The following EEPD1 variants were observed in gnomAD, a reference collection of about 807,000 sequenced individuals.
EEPD1 encodes endonuclease/exonuclease/phosphatase family domain-containing protein 1.
Under a neutral mutation model 46.3 loss-of-function variants are expected in EEPD1, and 17 were observed. The observed-to-expected ratio is 0.37, with a 90% CI of 0.25 to 0.55. The LOEUF (loss-of-function observed/expected upper bound fraction) is 0.55, where lower values mean the gene tolerates loss of function less well. EEPD1 is among the 20% of genes least tolerant of loss of function. The pLI is 0.83. For missense variants in EEPD1, 673 were observed against 745.6 expected (o/e 0.90, Z 1.13); for synonymous variants, 313 against 315.6 (o/e 0.99, Z 0.09).
intron 3 of EEPD1, among the ~76,000 whole-genome samples, chr7:36,245,223 C>T (rs1190547701): frequency 6.6e-5 from 10 of 152,166 alleles, no homozygotes; most frequent in Non-Finnish European, 1.3e-4. Context: ...GCTGGGATTA[C>T]AGACATGAGC....
Position 36,299,071 on chromosome 7 carries a change from C to T in EEPD1, c.1575C>T (p.Gly525=), listed in dbSNP as rs1349063736. 2.5e-6 allele frequency: 4 copies of T among 1,614,044 alleles called. No individual in the cohort carries two copies. Among genetic ancestry groups the T allele is most frequent in the African/African-American group, 1.3e-5 (1 of 74,968 alleles). The change falls in exon 8 of 8, where the codon GGC becomes GGT. Residue 525 remains glycine, a synonymous_variant. Coordinates refer to ENST00000242108, the MANE Select transcript of EEPD1 (RefSeq NM_030636.3). The part of the protein sequence containing the change: ...NPWIPDNWSW[G]GVASEHCPVL... ...GGATTCCGGATAACTGGTCTTGGGG[C>T]GGGGTGGCTTCTGAACACTGCCCAG...
intron 6 of EEPD1, among the ~76,000 whole-genome samples, chr7:36,292,379 G>GTTTTC (rs1183182888): frequency 7.2e-6 from 1 of 139,804 alleles, no homozygotes; most frequent in African/African-American, 2.6e-5. Flanking sequence ...CTTTTGTTTT[G>GTTTTC]TTTTCTTTTC....
At chr7:36,249,412 G>A (rs1786696759) in intron 3 of EEPD1, among the ~76,000 whole-genome samples, 1 of 152,076 alleles carries the variant, frequency 6.6e-6, no homozygotes. Flanking sequence ...TCCGGTTCCT[G>A]GGACTGTATC....
chr7:36,161,376 T>C (rs2115602040), intron 2 of EEPD1, among the ~76,000 whole-genome samples: 1 of 152,226 alleles, frequency 6.6e-6, no homozygotes, highest in East Asian at 1.9e-4. Flanking sequence ...AGGGACTTGG[T>C]CGCTGTCTGC....
intron 3 of EEPD1, among the ~76,000 whole-genome samples, chr7:36,250,238 A>T (rs1477887024): frequency 6.6e-6 from 1 of 152,214 alleles, no homozygotes. Context: ...AAAAAAAATT[A>T]AAAATACTAA....
intron 3 of EEPD1, among the ~76,000 whole-genome samples, chr7:36,265,123 G>C (rs1192129871): frequency 1.3e-5 from 2 of 152,192 alleles, no homozygotes; most frequent in African/African-American, 4.8e-5. Context: ...TAGAATAGCT[G>C]AAGGCTGGCA....
chr7:36,198,983 G>A (rs572428014), intron 2 of EEPD1, among the ~76,000 whole-genome samples: 1 of 152,036 alleles, frequency 6.6e-6, no homozygotes, highest in Non-Finnish European at 1.5e-5. Context: ...GAACCAGAAA[G>A]AGCCTCTTCT....
chr7:36,252,829 C>CTTTTTTTTTTT (rs71553053), intron 3 of EEPD1, among the ~76,000 whole-genome samples: 1 of 54,896 alleles, frequency 1.8e-5, no homozygotes, highest in Non-Finnish European at 3.1e-5. Flanking sequence ...GTGTTCTCTC[C>CTTTTTTTTTTT]TTTTTTTTTT....
At chr7:36,199,514 T>C (rs578166962) in intron 2 of EEPD1, among the ~76,000 whole-genome samples, 2 of 152,236 alleles carry the variant, frequency 1.3e-5, no homozygotes, top group South Asian at 4.1e-4. Flanking sequence ...AGTCATGACA[T>C]CTGAAACTCC....
chr7:36,262,173 G>A (rs196566), intron 3 of EEPD1, among the ~76,000 whole-genome samples: 1 of 152,000 alleles, frequency 6.6e-6, no homozygotes, highest in Non-Finnish European at 1.5e-5. Flanking sequence ...AAATGCAGAC[G>A]CATTTTTACA....
At chr7:36,176,481 G>A (rs770532292) in intron 2 of EEPD1, among the ~76,000 whole-genome samples, 1 of 152,228 alleles carries the variant, frequency 6.6e-6, no homozygotes, top group Non-Finnish European at 1.5e-5. Flanking sequence ...TCGGAATAAA[G>A]TTATTTCGGT....
In EEPD1 at chr7:36,296,887, T is replaced by A. The variant is rs1028456419; in HGVS notation, c.1316-106T>A. The A allele has an allele frequency of 6.1e-6, 7 of 1,142,780 alleles. No individual in the cohort carries two copies. The African/African-American group carries it at 9.3e-5, about 15-fold the overall frequency. The allele number at this position is 1,142,780 out of a possible 1,614,324, so 70.8% of individuals were successfully genotyped here. On this transcript the variant is annotated intron_variant, in intron 6 of 7. Coordinates refer to ENST00000242108, the MANE Select transcript of EEPD1 (RefSeq NM_030636.3). ...GAACCATGCCACAGTACTAACCCCA[T>A]GGGAGTCAAGTCAGAGAATCTCAAT...
intron 5 of EEPD1, among the ~76,000 whole-genome samples, chr7:36,285,586 G>T (rs547414218): frequency 2.6e-5 from 4 of 152,326 alleles, no homozygotes; most frequent in Non-Finnish European, 4.4e-5. Context: ...GCCAAAGCAG[G>T]TCATGAAGTT....
rs1583819428 is a variant in EEPD1 at position 36,225,488 on chromosome 7, C to T, written c.879-13497C>T. Among the ~76,000 whole-genome samples, 2 of 152,234 alleles carry T rather than the reference C, an allele frequency of 1.3e-5. No individual in the cohort carries two copies. Among genetic ancestry groups the T allele is most frequent in the East Asian group, 1.9e-4 (1 of 5,178 alleles). On this transcript the variant is annotated intron_variant, in intron 2 of 7. Coordinates refer to ENST00000242108, the MANE Select transcript of EEPD1 (RefSeq NM_030636.3). This position sits in a 1 kb window ranked among gnomAD's most constrained non-coding sequence, Gnocchi z 4.2. ...CTCACTCAACCACATTCTGAACAAACTCAGAAAGAGACGGCCACATCTGAG... is the reference window on the plus strand; with the variant it reads ...CTCACTCAACCACATTCTGAACAAATTCAGAAAGAGACGGCCACATCTGAG...
chr7:36,213,839 G>C (rs1328472840), intron 2 of EEPD1, among the ~76,000 whole-genome samples: 3 of 152,160 alleles, frequency 2.0e-5, no homozygotes, highest in Admixed American at 6.5e-5. Flanking sequence ...CAAGAGCAAG[G>C]GCAGGGCAGG....
chr7:36,164,469 G>A (rs1784949007), intron 2 of EEPD1, among the ~76,000 whole-genome samples: 1 of 152,194 alleles, frequency 6.6e-6, no homozygotes, highest in Non-Finnish European at 1.5e-5. Context: ...CAAAGGGAAT[G>A]GGGACACTTT....
At chr7:36,243,382 T>C (rs1212515494) in intron 3 of EEPD1, among the ~76,000 whole-genome samples, 1 of 152,208 alleles carries the variant, frequency 6.6e-6, no homozygotes, top group Non-Finnish European at 1.5e-5. Flanking sequence ...GTTTTTATTT[T>C]TAGTTCACCT....
At chr7:36,269,831 T>C (rs1787076950) in intron 3 of EEPD1, among the ~76,000 whole-genome samples, 1 of 152,250 alleles carries the variant, frequency 6.6e-6, no homozygotes. Context: ...TTCTTAGGAT[T>C]CTTTTCTAAA....
intron 2 of EEPD1, among the ~76,000 whole-genome samples, chr7:36,164,975 A>G (rs1784959212): frequency 6.6e-6 from 1 of 152,228 alleles, no homozygotes; most frequent in African/African-American, 2.4e-5. Context: ...AAGTCAAAAG[A>G]TTAAAAAATT....
Sources: allele counts gnomAD v4.1 joint callset (sites outside exome capture counted in the v4.1 genomes callset), GRCh38; gene constraint gnomAD v4.1.1; non-coding constraint Gnocchi (gnomAD v3.1); transcripts MANE v1.5; gene names NCBI Gene and HGNC (gene_info 2026-07-23, HGNC 2026-07-21).